DTNBP1: variants seen among roughly 807,000 people sequenced by gnomAD.
DTNBP1 encodes the protein dystrobrevin binding protein 1.
A neutral mutation model predicts 42.8 loss-of-function variants in DTNBP1; 35 were observed. The observed-to-expected ratio is 0.82, with a 90% CI of 0.63 to 1.09. The LOEUF (loss-of-function observed/expected upper bound fraction) is 1.09, where lower values mean the gene tolerates loss of function less well. Ranked by LOEUF, DTNBP1 falls within the 50% of genes least tolerant of loss-of-function variation. The pLI is 0.00. For missense variants in DTNBP1, 457 were observed against 424.2 expected (o/e 1.08, Z -0.68); for synonymous variants, 171 against 162.2 (o/e 1.05, Z -0.41).
chr6:15,623,479 T>C (rs1330600392), intron 5 of DTNBP1, among the ~76,000 whole-genome samples: 1 of 152,110 alleles, frequency 6.6e-6, no homozygotes, highest in Non-Finnish European at 1.5e-5. Flanking sequence ...AGTCCAGGAA[T>C]AGTCTGAGGC....
intron 6 of DTNBP1, among the ~76,000 whole-genome samples, chr6:15,605,910 T>C (rs1162529199): frequency 6.6e-6 from 1 of 152,238 alleles, no homozygotes; most frequent in African/African-American, 2.4e-5. Context: ...ATCAAGGCAA[T>C]GTCCGTTCCA....
intron 3 of DTNBP1, among the ~76,000 whole-genome samples, chr6:15,644,951 G>C (rs1488193648): frequency 6.6e-6 from 1 of 150,584 alleles, no homozygotes; most frequent in African/African-American, 2.4e-5. Flanking sequence ...ATGAAATTGA[G>C]ACCAAAAAAA....
At chr6:15,635,212 A>G (rs955234082) in intron 4 of DTNBP1, among the ~76,000 whole-genome samples, 1 of 152,066 alleles carries the variant, frequency 6.6e-6, no homozygotes, top group African/African-American at 2.4e-5. Context: ...TCTGCCTCCC[A>G]GGTTCAAGCG....
intron 6 of DTNBP1, among the ~76,000 whole-genome samples, chr6:15,600,655 G>T (rs1177278838): frequency 6.6e-6 from 1 of 152,218 alleles, no homozygotes; most frequent in East Asian, 1.9e-4. Context: ...GAAAGGATCA[G>T]TGAAGACAGA....
In DTNBP1 at chr6:15,585,752, G is replaced by A. The variant is rs1316795433; in HGVS notation, c.511+7307C>T. The A allele has an allele frequency of 1.3e-5, 20 of 1,534,996 alleles. No individual in the cohort carries two copies. In the Admixed American group the frequency reaches 1.8e-4, roughly 14 times the overall value. ...CTCTGACTATTTTCGGTGAGTCCTG[G>A]AGATGACATGGATGTGAGACCTGAA... On this transcript the variant is annotated intron_variant, in intron 7 of 9. Transcript: ENST00000344537.
rs1408498738 is a variant in DTNBP1, at chr6:15,613,361, T to A, written c.488+1906A>T. Among the ~76,000 whole-genome samples the A allele has an allele frequency of 1.8e-5, 2 of 111,916 alleles. 1 individual carries two copies. The allele number at this position is 111,916 out of a possible 152,430, so 73.4% of individuals were successfully genotyped here. A position where few individuals can be genotyped will look rare whatever the true frequency, so the allele number is the denominator to read the frequency against. On this transcript the variant is annotated intron_variant, in intron 6 of 9. Coordinates refer to ENST00000344537, the MANE Select transcript of DTNBP1 (RefSeq NM_032122.5). Reference sequence around the variant, plus strand: ...CCCTTTTTTGACACGGACCCCATTTTTTTTTTTTTTTTTTTTTTTTTTTGA... The same window carrying A: ...CCCTTTTTTGACACGGACCCCATTTATTTTTTTTTTTTTTTTTTTTTTTGA...
chr6:15,601,064 G>C (rs1431458333), intron 6 of DTNBP1, among the ~76,000 whole-genome samples: 1 of 152,118 alleles, frequency 6.6e-6, no homozygotes, highest in Non-Finnish European at 1.5e-5. Flanking sequence ...CATTTACAAA[G>C]AAAACTAAAA....
intron 7 of DTNBP1, among the ~76,000 whole-genome samples, chr6:15,539,766 G>T (rs554687261): frequency 2.6e-5 from 4 of 151,990 alleles, no homozygotes; most frequent in Non-Finnish European, 5.9e-5. Context: ...TCTTTTCCTC[G>T]CTGTCTCACT....
At chr6:15,601,227 G>A (rs1469316370) in intron 6 of DTNBP1, among the ~76,000 whole-genome samples, 1 of 152,118 alleles carries the variant, frequency 6.6e-6, no homozygotes, top group African/African-American at 2.4e-5. Flanking sequence ...ATGAATCATG[G>A]ATTTGTTCTC....
intron 8 of DTNBP1, among the ~76,000 whole-genome samples, chr6:15,529,023 G>A (rs1194529478): frequency 6.6e-5 from 10 of 152,216 alleles, no homozygotes; most frequent in African/African-American, 2.4e-4. Context: ...GGTGGCTCAC[G>A]CCTGTAATCC....
intron 7 of DTNBP1, among the ~76,000 whole-genome samples, chr6:15,588,815 G>T (rs933893206): frequency 3.9e-5 from 6 of 152,110 alleles, no homozygotes; most frequent in African/African-American, 9.7e-5. Flanking sequence ...TCCTCTTCCT[G>T]GAATGTCTTT....
intron 8 of DTNBP1, 38 bp downstream of exon 8, chr6:15,533,202 G>A (rs202135348): frequency 3.8e-5 from 61 of 1,610,724 alleles, no homozygotes; most frequent in African/African-American, 9.4e-5. Context: ...CCGCACAGCC[G>A]GTGAGTCCCC....
chr6:15,638,752 T>C (rs1224469169), intron 3 of DTNBP1, among the ~76,000 whole-genome samples: 1 of 151,878 alleles, frequency 6.6e-6, no homozygotes, highest in African/African-American at 2.4e-5. Context: ...CTGGTATTCT[T>C]ACCAAAAAAG....
chr6:15,599,944 G>A (rs922797282), intron 6 of DTNBP1, among the ~76,000 whole-genome samples: 2 of 151,998 alleles, frequency 1.3e-5, no homozygotes, highest in Non-Finnish European at 2.9e-5. Context: ...CAAATCAATG[G>A]TTTGTCATTT....
intron 7 of DTNBP1, among the ~76,000 whole-genome samples, chr6:15,563,525 C>G (rs1362315702): frequency 1.3e-5 from 2 of 152,156 alleles, no homozygotes; most frequent in Non-Finnish European, 2.9e-5. Flanking sequence ...CATCTGTATA[C>G]CCATTGTTCC....
rs770087030 is a variant in DTNBP1, at chr6:15,651,296, A to G, written c.161+17T>C. On this transcript the variant is annotated intron_variant, in intron 3 of 9. Coordinates refer to ENST00000344537, the MANE Select transcript of DTNBP1 (RefSeq NM_032122.5). Reference sequence around the variant, plus strand: ...AAAGTCAGAAGTATAACCTTCCTCTACAAATGAAACACTTACCTGCTAAGT... The same window carrying G: ...AAAGTCAGAAGTATAACCTTCCTCTGCAAATGAAACACTTACCTGCTAAGT... 3.1e-6 allele frequency: 5 copies of G among 1,610,086 alleles called. No homozygotes were observed. The South Asian group carries it at 4.4e-5, about 14-fold the overall frequency.
chr6:15,566,937 G>A (rs537562568), intron 7 of DTNBP1, among the ~76,000 whole-genome samples: 2 of 152,068 alleles, frequency 1.3e-5, no homozygotes, highest in East Asian at 1.9e-4. Context: ...GTGATTCGCC[G>A]GCCTCAGCCT....
intron 6 of DTNBP1, among the ~76,000 whole-genome samples, chr6:15,611,789 T>C (rs557611505): frequency 2.6e-5 from 4 of 152,340 alleles, no homozygotes; most frequent in African/African-American, 4.8e-5. Context: ...AGCCTGAAGA[T>C]ACGATTGAAT....
intron 1 of DTNBP1, among the ~76,000 whole-genome samples, chr6:15,658,576 A>G (rs1761414942): frequency 6.6e-6 from 1 of 152,196 alleles, no homozygotes; most frequent in Non-Finnish European, 1.5e-5. Context: ...AGGAAACACC[A>G]GCCTGTGACA....
Sources: gnomAD v4.1 joint callset for allele counts (sites outside exome capture counted in the v4.1 genomes callset) on GRCh38, gnomAD v4.1.1 for gene constraint, MANE v1.5 for transcripts, NCBI Gene and HGNC (gene_info 2026-07-23, HGNC 2026-07-21) for gene names.